The following EPHA5 variants were observed in gnomAD, a reference collection of about 807,000 sequenced individuals.
EPHA5 encodes the protein EPH receptor A5, also known as ephrin type-A receptor 5.
EPHA5 carries 60 observed loss-of-function variants against 105.0 expected under a neutral mutation model. The ratio of observed to expected loss-of-function variants is 0.57; its 90% CI spans 0.46 to 0.71. The LOEUF (loss-of-function observed/expected upper bound fraction) is 0.71, where lower values mean the gene tolerates loss of function less well. Ranked by LOEUF, EPHA5 falls within the 30% of genes least tolerant of loss-of-function variation. The pLI, the probability that EPHA5 is intolerant of heterozygous loss-of-function variation, is 0.00. For synonymous variants in EPHA5, 513 were observed against 449.1 expected (o/e 1.14, Z -1.80); for missense variants, 1,218 against 1,274.7 (o/e 0.96, Z 0.68).
At chr4:65,488,869 G>A (rs1422065898) in intron 5 of EPHA5, among the ~76,000 whole-genome samples, 1 of 146,986 alleles carries the variant, frequency 6.8e-6, no homozygotes, top group African/African-American at 2.5e-5. Flanking sequence ...TATCAACTCT[G>A]AACTCAGCTG....
Position 65,590,385 on chromosome 4 carries a change from A to G in EPHA5, c.910+11256T>C, listed in dbSNP as rs575938128. ...AGATAAGATGTGATCCACACGCATG[A>G]CAAGAAATAATAAAGGATATAAAAG... On this transcript the variant is annotated intron_variant, in intron 3 of 16. Transcript: ENST00000613740. 4.6e-5 allele frequency among the ~76,000 whole-genome samples: 7 copies of G among 152,300 alleles called. No homozygotes were observed. The South Asian group carries it at 1.4e-3, about 32-fold the overall frequency.
At chr4:65,548,168 A>C (rs964438366) in intron 3 of EPHA5, among the ~76,000 whole-genome samples, 2 of 144,734 alleles carry the variant, frequency 1.4e-5, no homozygotes, top group African/African-American at 5.3e-5. Flanking sequence ...TTAAATAACC[A>C]TACATAAACT....
At chr4:65,659,319 G>GAAAAAA (rs5858980) in intron 1 of EPHA5, among the ~76,000 whole-genome samples, 3 of 71,612 alleles carry the variant, frequency 4.2e-5, no homozygotes, top group African/African-American at 1.1e-4. Flanking sequence ...TAGAGTAACA[G>GAAAAAA]AAAAAAAAAA....
intron 5 of EPHA5, among the ~76,000 whole-genome samples, chr4:65,474,084 T>C (rs567208875): frequency 4.0e-5 from 6 of 151,890 alleles, no homozygotes; most frequent in Non-Finnish European, 8.8e-5. Context: ...GACGAGTTAA[T>C]GGGTGCAGCA....
At chr4:65,490,153 T>A (rs1468270173) in intron 5 of EPHA5, among the ~76,000 whole-genome samples, 1 of 152,190 alleles carries the variant, frequency 6.6e-6, no homozygotes, top group Non-Finnish European at 1.5e-5. Flanking sequence ...AATTAAAAAA[T>A]GTTTTGTTTT....
At chr4:65,586,795 T>C (rs1742166360) in intron 3 of EPHA5, among the ~76,000 whole-genome samples, 2 of 152,220 alleles carry the variant, frequency 1.3e-5, no homozygotes, top group African/African-American at 4.8e-5. Context: ...AGTATATATC[T>C]GGTAAAGTTA....
At chr4:65,577,479 C>T (rs969085200) in intron 3 of EPHA5, among the ~76,000 whole-genome samples, 21 of 151,994 alleles carry the variant, frequency 1.4e-4, no homozygotes, top group African/African-American at 2.7e-4. Flanking sequence ...TAAGTTACTA[C>T]GCATTTGTTG....
intron 16 of EPHA5, among the ~76,000 whole-genome samples, chr4:65,327,437 C>T (rs1364500106): frequency 6.6e-6 from 1 of 151,176 alleles, no homozygotes; most frequent in African/African-American, 2.4e-5. Flanking sequence ...AACCCATCTC[C>T]CCAGCGGAGA....
chr4:65,516,914 T>A (rs2149270734), intron 3 of EPHA5, among the ~76,000 whole-genome samples: 1 of 143,076 alleles, frequency 7.0e-6, no homozygotes, highest in Non-Finnish European at 1.6e-5. Flanking sequence ...AGCATGTGGT[T>A]TATTTTGATC....
In EPHA5 at chr4:65,320,586, A is replaced by G. The variant is rs1006480881; in HGVS notation, c.*3528T>C. ...TTTTATAGCCAAAAATGTCTTCAGA[A>G]GGTAAATATCTGTGCTTGTGCTTCT... On this transcript the variant is annotated 3_prime_UTR_variant, in exon 17 of 17. Coordinates refer to ENST00000613740, the MANE Select transcript of EPHA5 (RefSeq NM_001281766.3). The G allele has an allele frequency of 1.7e-5, 4 of 229,712 alleles. No homozygotes were observed. The highest frequency in any genetic ancestry group is 8.9e-5 in the African/African-American group (4 of 45,118). The allele number at this position is 229,712 out of a possible 1,614,324, so 14.2% of individuals were successfully genotyped here.
In EPHA5 at chr4:65,332,006, C is replaced by T. The variant is rs773062561; in HGVS notation, c.2912G>A (p.Ser971Asn). 6 of 1,611,436 alleles carry T rather than the reference C, an allele frequency of 3.7e-6. No homozygotes were observed. The Admixed American group carries it at 1.0e-4, about 27-fold the overall frequency. The change falls in exon 16 of 17, where the codon AGT (serine) becomes AAT (asparagine). Residue 971 changes from serine (S) to asparagine (N), a missense_variant. Ser to Asn is a conservative substitution (Grantham distance 46). This residue lies in a region of EPHA5 where 971 missense variants were observed against 1,013.5 expected (regional missense o/e 0.96). Coordinates refer to ENST00000613740, the MANE Select transcript of EPHA5 (RefSeq NM_001281766.3). ...CACCTGAGCCACAGCGTCCATTGAA[C>T]TGTATCCATTTTCCATGAAAATCTC... Reference protein sequence around the residue: ...YTEIFMENGYSSMDAVAQVTL... With the variant: ...YTEIFMENGYNSMDAVAQVTL...
At chr4:65,417,580 T>G (rs948886123) in intron 6 of EPHA5, among the ~76,000 whole-genome samples, 2 of 152,246 alleles carry the variant, frequency 1.3e-5, no homozygotes, top group East Asian at 1.9e-4. Flanking sequence ...CAACTTATTA[T>G]TAATTTATTG....
intron 4 of EPHA5, 36 bp downstream of exon 4, chr4:65,495,352 A>G (rs773810952): frequency 6.3e-7 from 1 of 1,596,360 alleles, no homozygotes; most frequent in Non-Finnish European, 8.5e-7. Context: ...AAACTGGTTA[A>G]AGTTAGCACC....
At chr4:65,427,365 G>A (rs1724545510) in intron 5 of EPHA5, among the ~76,000 whole-genome samples, 1 of 151,808 alleles carries the variant, frequency 6.6e-6, no homozygotes, top group Non-Finnish European at 1.5e-5. Flanking sequence ...TGTATTTTTA[G>A]TAGAGACAGG....
At chr4:65,600,209 T>C (rs1743583666) in intron 3 of EPHA5, among the ~76,000 whole-genome samples, 1 of 152,170 alleles carries the variant, frequency 6.6e-6, no homozygotes, top group Non-Finnish European at 1.5e-5. Flanking sequence ...CCAATAAGAT[T>C]GCTCAAAAGT....
chr4:65,569,138 T>C (rs978669654), intron 3 of EPHA5, among the ~76,000 whole-genome samples: 2 of 151,550 alleles, frequency 1.3e-5, no homozygotes, highest in African/African-American at 2.4e-5. Context: ...TAGTGAGCTA[T>C]CACAATATTA....
intron 3 of EPHA5, among the ~76,000 whole-genome samples, chr4:65,552,460 T>C: frequency 6.6e-6 from 1 of 152,152 alleles, no homozygotes; most frequent in African/African-American, 2.4e-5. Flanking sequence ...TTCTTCTTTT[T>C]CTTTGGATGG....
intron 1 of EPHA5, among the ~76,000 whole-genome samples, chr4:65,662,739 A>T (rs567799421): frequency 6.6e-6 from 1 of 152,166 alleles, no homozygotes; most frequent in African/African-American, 2.4e-5. Flanking sequence ...GATATTTTTT[A>T]AAAATAAGAT....
At chr4:65,510,819 A>C (rs901799730) in intron 3 of EPHA5, among the ~76,000 whole-genome samples, 1 of 152,228 alleles carries the variant, frequency 6.6e-6, no homozygotes, top group African/African-American at 2.4e-5. Context: ...CAAACATGCT[A>C]GACTTGTATA....
Sources: gnomAD v4.1 joint callset for allele counts (sites outside exome capture counted in the v4.1 genomes callset) on GRCh38, gnomAD v4.1.1 for gene constraint, gnomAD v4.1.1 regional missense constraint, MANE v1.5 for transcripts, NCBI Gene and HGNC (gene_info 2026-07-23, HGNC 2026-07-21) for gene names.